Variants in ERBB4 observed in about 807,000 individuals in gnomAD.
The protein encoded by ERBB4 is erb-b2 receptor tyrosine kinase 4, also known as receptor tyrosine-protein kinase erbB-4.
A neutral mutation model predicts 158.0 loss-of-function variants in ERBB4; 42 were observed. The ratio of observed to expected loss-of-function variants is 0.27; its 90% confidence interval spans 0.21 to 0.34. ERBB4 has a LOEUF of 0.34. Among genes scored for constraint, ERBB4 ranks in the 10% least tolerant of loss-of-function variants. ERBB4 has a pLI of 1.00. For synonymous variants in ERBB4, 583 were observed against 558.7 expected, an observed-to-expected ratio of 1.04 and a Z score of -0.61; for missense variants, 1,333 against 1,624.1, an observed-to-expected ratio of 0.82 and a Z score of 3.08.
At chr2:211,505,384 T>C (rs983885130) in intron 20 of ERBB4, among the ~76,000 whole-genome samples, 1 of 151,650 alleles carries the variant, frequency 6.6e-6, no homozygotes, top group African/African-American at 2.4e-5. Context: ...TGAAGAAATA[T>C]AGACTTTCTC....
At position 211,889,399 on chromosome 2, in the gene ERBB4, A is replaced by G. The variant is rs1280968589; in HGVS notation, c.421+58031T>C. On this transcript the variant is annotated intron_variant, in intron 3 of 27. Transcript: ENST00000342788. ...ACATCCACACCGAAAACCCATCTGT[A>G]CATCACCATCATCAAAGACCAAAAG... Among the ~76,000 whole-genome samples, 6 of 146,492 alleles carry G rather than the reference A, an allele frequency of 4.1e-5. 1 individual carries two copies. Among genetic ancestry groups the G allele is most frequent in the Non-Finnish European group, 9.0e-5 (6 of 66,578 alleles).
At chr2:211,543,164 A>G (rs1247062545) in intron 20 of ERBB4, among the ~76,000 whole-genome samples, 1 of 152,028 alleles carries the variant, frequency 6.6e-6, no homozygotes, top group Admixed American at 6.6e-5. Context: ...TATTAAGTTT[A>G]TAAATTGTTT....
At chr2:212,461,491 G>A (rs1427611869) in intron 1 of ERBB4, among the ~76,000 whole-genome samples, 2 of 152,158 alleles carry the variant, frequency 1.3e-5, no homozygotes, top group African/African-American at 4.8e-5. Context: ...TGGAATGACT[G>A]TATATACCCA....
In ERBB4 at chr2:211,380,982, G is replaced by T. The variant is rs1235345152; in HGVS notation, c.*2633C>A. The T allele has an allele frequency of 1.3e-5, 3 of 232,214 alleles. No homozygotes were observed. The highest frequency in any genetic ancestry group is 2.6e-5 in the Non-Finnish European group (3 of 117,574). 14.4% of individuals were successfully genotyped at this position (232,214 alleles called of 1,614,324 possible). A position where few individuals can be genotyped will look rare whatever the true frequency, so the allele number is the denominator to read the frequency against. On this transcript the variant is annotated 3_prime_UTR_variant, in exon 28 of 28. Coordinates refer to ENST00000342788, the MANE Select transcript of ERBB4 (RefSeq NM_005235.3). ...ATCAAGGTATAGTATCCAAAAAGAG[G>T]GCTGTGATGACTCGATGCAGATTTA... is the stretch of plus-strand genomic sequence containing the variant.
chr2:211,961,031 A>G (rs772293894), intron 2 of ERBB4, among the ~76,000 whole-genome samples: 48 of 152,118 alleles, frequency 3.2e-4, no homozygotes, highest in Non-Finnish European at 4.6e-4. Context: ...TTTCTTCACA[A>G]TTTTTCTGTG....
chr2:211,822,923 T>A (rs6435675), intron 3 of ERBB4, among the ~76,000 whole-genome samples: 128,258 of 151,862 alleles, frequency 0.84, 54,280 homozygotes, highest in Non-Finnish European at 0.86. Context: ...GCCATTTCTA[T>A]ATCTAGAGCT....
At chr2:211,710,145 T>A (rs1362650146) in intron 9 of ERBB4, among the ~76,000 whole-genome samples, 1 of 152,124 alleles carries the variant, frequency 6.6e-6, no homozygotes, top group Non-Finnish European at 1.5e-5. Context: ...AAAGTGGCAA[T>A]TTTTTAATAT....
chr2:212,178,080 G>C (rs748946314), intron 1 of ERBB4, among the ~76,000 whole-genome samples: 1 of 151,468 alleles, frequency 6.6e-6, no homozygotes, highest in Admixed American at 6.6e-5. Context: ...TCCAGAGAAG[G>C]GTAAAAAGTG....
chr2:212,355,990 C>A (rs1213268539), intron 1 of ERBB4, among the ~76,000 whole-genome samples: 1 of 151,898 alleles, frequency 6.6e-6, no homozygotes, highest in Non-Finnish European at 1.5e-5. Flanking sequence ...GAAAAAAGCA[C>A]TAAACAAAAT....
At chr2:211,550,461 A>G (rs948642172) in intron 20 of ERBB4, among the ~76,000 whole-genome samples, 5 of 151,224 alleles carry the variant, frequency 3.3e-5, no homozygotes, top group Admixed American at 2.0e-4. Context: ...GACGAGGAAA[A>G]TTTGTCTGGA....
At chr2:212,240,433 C>A (rs2084041184) in intron 1 of ERBB4, among the ~76,000 whole-genome samples, 1 of 151,716 alleles carries the variant, frequency 6.6e-6, no homozygotes, top group Non-Finnish European at 1.5e-5. Context: ...TATCACGAGA[C>A]CAGCCTGACC....
intron 1 of ERBB4, among the ~76,000 whole-genome samples, chr2:212,421,233 G>C (rs899638618): frequency 2.0e-5 from 3 of 152,022 alleles, no homozygotes; most frequent in African/African-American, 7.2e-5. Flanking sequence ...GGTTATATTT[G>C]TTTAATTGGA....
chr2:212,304,934 G>A (rs565110619), intron 1 of ERBB4, among the ~76,000 whole-genome samples: 71 of 150,978 alleles, frequency 4.7e-4, no homozygotes, highest in Non-Finnish European at 8.9e-4. Flanking sequence ...GTGTGTATGC[G>A]TACATGTCTG....
At chr2:212,245,651 G>A (rs1283916942) in intron 1 of ERBB4, among the ~76,000 whole-genome samples, 1 of 152,120 alleles carries the variant, frequency 6.6e-6, no homozygotes, top group East Asian at 1.9e-4. Context: ...AAAACATCCT[G>A]AGAATGTCAC....
rs145547903 is a variant in ERBB4 at position 212,444,676 on chromosome 2, C to T, written c.82+93773G>A. Among the ~76,000 whole-genome samples, 1,488 of 152,246 alleles carry T rather than the reference C, an allele frequency of 9.8e-3. 24 individuals are homozygous for T. Among genetic ancestry groups the T allele is most frequent in the African/African-American group, 0.034 (1,416 of 41,550 alleles). On this transcript the variant is annotated intron_variant, in intron 1 of 27. Coordinates refer to ENST00000342788, the MANE Select transcript of ERBB4 (RefSeq NM_005235.3). ...AATAGGCCCAGGAACAAAGTGGCCA[C>T]GGTGGCAGGGATGGAGGTTATGCAT...
chr2:212,335,310 A>C (rs1049387335), intron 1 of ERBB4, among the ~76,000 whole-genome samples: 2 of 151,974 alleles, frequency 1.3e-5, no homozygotes, highest in Non-Finnish European at 2.9e-5. Context: ...TACAAAATTG[A>C]TATGTTTTAA....
At chr2:212,212,442 T>C (rs1267268246) in intron 1 of ERBB4, among the ~76,000 whole-genome samples, 1 of 151,766 alleles carries the variant, frequency 6.6e-6, no homozygotes, top group Non-Finnish European at 1.5e-5. Context: ...AAACATTCCA[T>C]CCTCATAGAC....
At position 211,775,996 on chromosome 2, in the gene ERBB4, C is replaced by G. The variant is rs543010671; in HGVS notation, c.556+12029G>C. 9.2e-5 allele frequency among the ~76,000 whole-genome samples: 14 copies of G among 152,260 alleles called. No homozygotes were observed. In the South Asian group the frequency reaches 2.9e-3, roughly 32 times the overall value. ...CGGGGTTTGTCTATTATAGAACAGG[C>G]TCCTCTAGAGGGATGTAAAGCACCG... On this transcript the variant is annotated intron_variant, in intron 4 of 27. Transcript: ENST00000342788.
chr2:212,461,146 TC>T (rs779520080), intron 1 of ERBB4, among the ~76,000 whole-genome samples: 73 of 152,132 alleles, frequency 4.8e-4, no homozygotes, highest in Non-Finnish European at 9.3e-4. Context: ...CTCCACAGAG[TC>T]CCTACTGGGG....
Sources: allele counts gnomAD v4.1 joint callset (sites outside exome capture counted in the v4.1 genomes callset), GRCh38; gene constraint gnomAD v4.1.1; transcripts MANE v1.5; gene names NCBI Gene and HGNC (gene_info 2026-07-23, HGNC 2026-07-21).